SLC22A23: variants seen among roughly 807,000 people sequenced by gnomAD.
SLC22A23 encodes ion transporter protein.
In SLC22A23, 26 loss-of-function variants were observed where a neutral mutation model predicts 61.0. The ratio of observed to expected loss-of-function variants is 0.43; its 90% CI spans 0.31 to 0.59. SLC22A23 has a LOEUF of 0.59. Ranked by LOEUF, SLC22A23 falls within the 20% of genes least tolerant of loss-of-function variation. The pLI, the probability that SLC22A23 is intolerant of heterozygous loss-of-function variation, is 0.11. For synonymous variants in SLC22A23, 430 were observed against 413.9 expected (o/e 1.04, Z -0.47); for missense variants, 796 against 934.7 (o/e 0.85, Z 1.94).
chr6:3,452,251 A>C (rs1347997520), intron 1 of SLC22A23, among the ~76,000 whole-genome samples: 1 of 152,178 alleles, frequency 6.6e-6, no homozygotes, highest in Non-Finnish European at 1.5e-5. Context: ...CTTGTACAGA[A>C]CACATGGCAC....
At chr6:3,440,417 G>A (rs963629313) in intron 1 of SLC22A23, among the ~76,000 whole-genome samples, 1 of 152,094 alleles carries the variant, frequency 6.6e-6, no homozygotes, top group East Asian at 1.9e-4. Context: ...ATAAGAAGAG[G>A]AGATGAGTGG....
chr6:3,279,509 C>CAAAAAAAAAAAAAAAAAA lies in SLC22A23; in HGVS notation c.1703+4325_1703+4342dup, dbSNP rs10642564. 6.7e-3 allele frequency among the ~76,000 whole-genome samples: 242 copies of CAAAAAAAAAAAAAAAAAA among 36,010 alleles called. 74 individuals carry two copies. The highest frequency in any genetic ancestry group is 0.013 in the East Asian group (9 of 694). The allele number at this position is 36,010 out of a possible 152,430, so 23.6% of individuals were successfully genotyped here. A position where few individuals can be genotyped will look rare whatever the true frequency, so the allele number is the denominator to read the frequency against. On this transcript the variant is annotated intron_variant, in intron 9 of 9. Coordinates refer to ENST00000406686, the MANE Select transcript of SLC22A23 (RefSeq NM_015482.2). ...CTGGCAACAGAGCAAGGCTCCGTCT[C>CAAAAAAAAAAAAAAAAAA]AAAAAAAAAAAAAAAAAAAAAAAAA... is the stretch of plus-strand genomic sequence containing the variant.
chr6:3,445,542 C>T (rs148459522), intron 1 of SLC22A23, among the ~76,000 whole-genome samples: 1 of 152,316 alleles, frequency 6.6e-6, no homozygotes, highest in African/African-American at 2.4e-5. Context: ...TGAGTTCAGA[C>T]ATTTATGGTG....
chr6:3,365,474 G>A (rs372038569), intron 3 of SLC22A23, among the ~76,000 whole-genome samples: 69 of 152,266 alleles, frequency 4.5e-4, no homozygotes, highest in Middle Eastern at 3.4e-3. Context: ...TTGTAGATGC[G>A]GTTCAGGCAG....
intron 3 of SLC22A23, among the ~76,000 whole-genome samples, chr6:3,409,509 C>T (rs1178815651): frequency 6.6e-6 from 1 of 152,178 alleles, no homozygotes; most frequent in East Asian, 1.9e-4. Context: ...CCCAACAGAT[C>T]TTTCCACAAA....
intron 9 of SLC22A23, among the ~76,000 whole-genome samples, chr6:3,276,110 T>G (rs1376837546): frequency 1.3e-5 from 2 of 148,980 alleles, no homozygotes; most frequent in East Asian, 1.9e-4. Context: ...GAATGGTGAT[T>G]GTGTGTGTGT....
intron 4 of SLC22A23, among the ~76,000 whole-genome samples, chr6:3,306,296 G>A (rs751548337): frequency 8.6e-5 from 13 of 151,976 alleles, no homozygotes; most frequent in African/African-American, 1.5e-4. Flanking sequence ...CTCCAACACC[G>A]GGGGTCACAT....
Position 3,454,807 on chromosome 6 carries a change from T to A in SLC22A23, c.654+1099A>T, listed in dbSNP as rs956636796. ...ATGATGTAAGAGTTTATCTTACACA[T>A]CCATGAGCTACAACTGTTAACCAAT... On this transcript the variant is annotated intron_variant, in intron 1 of 9. Coordinates refer to ENST00000406686, the MANE Select transcript of SLC22A23 (RefSeq NM_015482.2). The surrounding 1 kb of genome is among the most constrained non-coding windows in gnomAD (Gnocchi z 4.3). Among the ~76,000 whole-genome samples, 1 of 152,192 alleles carries A rather than the reference T, an allele frequency of 6.6e-6. No homozygotes were observed.
intron 3 of SLC22A23, among the ~76,000 whole-genome samples, chr6:3,362,281 G>A (rs1050987922): frequency 6.6e-6 from 1 of 151,320 alleles, no homozygotes; most frequent in African/African-American, 2.4e-5. Flanking sequence ...GCATGCGCCT[G>A]TAGTCCCAGC....
intron 1 of SLC22A23, among the ~76,000 whole-genome samples, chr6:3,433,307 A>G (rs1770990806): frequency 6.6e-6 from 1 of 152,156 alleles, no homozygotes; most frequent in African/African-American, 2.4e-5. Flanking sequence ...TACTAGCACC[A>G]TTCCCACGGC....
chr6:3,405,836 T>C (rs2127506086), intron 3 of SLC22A23, among the ~76,000 whole-genome samples: 1 of 152,302 alleles, frequency 6.6e-6, no homozygotes, highest in South Asian at 2.1e-4. Flanking sequence ...CAGAGCAAAC[T>C]CAAACTCTGA....
intron 3 of SLC22A23, among the ~76,000 whole-genome samples, chr6:3,359,269 G>A (rs1431894993): frequency 2.0e-5 from 3 of 152,036 alleles, no homozygotes; most frequent in Non-Finnish European, 2.9e-5. Flanking sequence ...ACCGCCCTCA[G>A]GCAGATAACA....
At chr6:3,351,132 A>G (rs1764742190) in intron 3 of SLC22A23, among the ~76,000 whole-genome samples, 1 of 152,208 alleles carries the variant, frequency 6.6e-6, no homozygotes, top group South Asian at 2.1e-4. Flanking sequence ...AATGGCCACA[A>G]ACAAAGACCT....
At chr6:3,417,476 G>A (rs555281444) in intron 1 of SLC22A23, among the ~76,000 whole-genome samples, 15 of 152,332 alleles carry the variant, frequency 9.8e-5, no homozygotes, top group African/African-American at 3.6e-4. Context: ...TGGTTGCACA[G>A]ATTCTTAAGA....
In SLC22A23 at chr6:3,456,581, C is replaced by T; in HGVS notation, c.-22G>A. 2.0e-6 allele frequency: 2 copies of T among 982,554 alleles called. No individual in the cohort carries two copies. The highest frequency in any genetic ancestry group is 2.4e-6 in the Non-Finnish European group (2 of 829,794). 60.9% of individuals were successfully genotyped at this position (982,554 alleles called of 1,614,324 possible). A position where few individuals can be genotyped will look rare whatever the true frequency, so the allele number is the denominator to read the frequency against. On this transcript the variant is annotated 5_prime_UTR_variant, in exon 1 of 10. Coordinates refer to ENST00000406686, the MANE Select transcript of SLC22A23 (RefSeq NM_015482.2). The surrounding 1 kb of genome is among the most constrained non-coding windows in gnomAD (Gnocchi z 7.1). ...CCATGGCCCGGGCCCGCGGCTCCCG[C>T]AGAGGCGCATAGAGCGCGGCGGAGG...
At position 3,451,259 on chromosome 6, in the gene SLC22A23, G is replaced by A. The variant is rs574117154; in HGVS notation, c.654+4647C>T. Among the ~76,000 whole-genome samples the A allele has an allele frequency of 6.6e-5, 10 of 152,334 alleles. No homozygotes were observed. In the East Asian group the frequency reaches 1.2e-3, roughly 18 times the overall value. On this transcript the variant is annotated intron_variant, in intron 1 of 9. Coordinates refer to ENST00000406686, the MANE Select transcript of SLC22A23 (RefSeq NM_015482.2). ...GTCGCCCGGACTGGAGTGCAGTGGC[G>A]CGATCTCGCTCACTGCAACCTCTCA... is the stretch of plus-strand genomic sequence containing the variant.
chr6:3,336,088 CA>C lies in SLC22A23; in HGVS notation c.914-12087del, dbSNP rs774382213. On this transcript the variant is annotated intron_variant, in intron 3 of 9. Coordinates refer to ENST00000406686, the MANE Select transcript of SLC22A23 (RefSeq NM_015482.2). ...TGGGCGAAAGAGCGAGACTCCATCT[CA>C]AAAAAAAAAAAAGAGAGAAATCTGG... Among the ~76,000 whole-genome samples, 355 of 138,380 alleles carry C rather than the reference CA, an allele frequency of 2.6e-3. 1 individual carries two copies. The highest frequency in any genetic ancestry group is 4.3e-3 in the African/African-American group (165 of 38,422). The allele number at this position is 138,380 out of a possible 152,430, so 90.8% of individuals were successfully genotyped here.
chr6:3,326,768 C>G (rs938017036), intron 3 of SLC22A23, among the ~76,000 whole-genome samples: 5 of 152,220 alleles, frequency 3.3e-5, no homozygotes, highest in Non-Finnish European at 5.9e-5. Context: ...GTAAATCTTT[C>G]CAAACTGCTT....
At chr6:3,445,059 G>A (rs1184006792) in intron 1 of SLC22A23, 1 of 826,358 alleles carries the variant, frequency 1.2e-6, no homozygotes, top group African/African-American at 1.8e-5. Flanking sequence ...TTCTGCGTCT[G>A]TCCTCACAAT....
Sources: gnomAD v4.1 joint callset for allele counts (sites outside exome capture counted in the v4.1 genomes callset) on GRCh38, gnomAD v4.1.1 for gene constraint, Gnocchi (gnomAD v3.1) non-coding constraint, MANE v1.5 for transcripts, NCBI Gene and HGNC (gene_info 2026-07-23, HGNC 2026-07-21) for gene names.